NXNL2: variants seen among roughly 807,000 people sequenced by gnomAD.
NXNL2 encodes the protein nucleoredoxin-like protein 2.
In NXNL2, 7 loss-of-function variants were observed where a neutral mutation model predicts 11.1. The ratio of observed to expected loss-of-function variants is 0.63; its 90% confidence interval spans 0.36 to 1.18. The LOEUF is 1.18. Ranked by LOEUF, NXNL2 falls within the 50% of genes most tolerant of loss-of-function variation. The pLI, the probability that NXNL2 is intolerant of heterozygous loss-of-function variation, is 0.02. For missense variants in NXNL2, 233 were observed against 217.7 expected, an observed-to-expected ratio of 1.07 and a Z score of -0.44; for synonymous variants, 109 against 101.8, an observed-to-expected ratio of 1.07 and a Z score of -0.42.
At chr9:88,546,149 G>C (rs1403194367), downstream of NXNL2, among the ~76,000 whole-genome samples, 1 of 70,012 alleles carries the variant, frequency 1.4e-5, no homozygotes, top group Non-Finnish European at 2.1e-5. Flanking sequence ...CTGAGTGTTC[G>C]TGTGTGTGTG....
chr9:88,579,671 C>T (rs1830387903), downstream of NXNL2, among the ~76,000 whole-genome samples: 1 of 152,144 alleles, frequency 6.6e-6, no homozygotes. Context: ...CTGGAGTTAG[C>T]AGCTCCTTCC....
intron 1 of NXNL2, among the ~76,000 whole-genome samples, chr9:88,583,107 A>G (rs578228818): frequency 6.6e-6 from 1 of 152,154 alleles, no homozygotes; most frequent in African/African-American, 2.4e-5. Flanking sequence ...GGACACCTTG[A>G]TGCTGCTCTC....
At chr9:88,549,789 A>G (rs1829901942), downstream of NXNL2, among the ~76,000 whole-genome samples, 1 of 152,188 alleles carries the variant, frequency 6.6e-6, no homozygotes, top group Admixed American at 6.5e-5. Context: ...GGCATGTTAC[A>G]TGCCCAGAGC....
At chr9:88,553,466 A>G (rs1445211321) in intron 1 of NXNL2, among the ~76,000 whole-genome samples, 1 of 151,588 alleles carries the variant, frequency 6.6e-6, no homozygotes, top group Non-Finnish European at 1.5e-5. Flanking sequence ...TCTGCTCCCC[A>G]CCCTCCTTCT....
intron 1 of NXNL2, among the ~76,000 whole-genome samples, chr9:88,536,136 C>T (rs968980970): frequency 2.0e-5 from 3 of 152,180 alleles, no homozygotes; most frequent in African/African-American, 7.2e-5. Context: ...CTGCGTCATC[C>T]TCCCAGTTAG....
At chr9:88,566,973 C>CATCTATCT (rs371496393) in intron 1 of NXNL2, among the ~76,000 whole-genome samples, 16,606 of 123,432 alleles carry the variant, frequency 0.13, 1,005 homozygotes, top group Non-Finnish European at 0.15. Flanking sequence ...TATTATCTAT[C>CATCTATCT]ATCTATCTAT....
chr9:88,543,960 C>T (rs533610891), intron 1 of NXNL2, among the ~76,000 whole-genome samples: 16 of 152,200 alleles, frequency 1.1e-4, no homozygotes, highest in South Asian at 2.1e-4. Context: ...ACTTGAGGCC[C>T]GGAGGTCGAG....
At chr9:88,538,287 G>A (rs933925591) in intron 1 of NXNL2, 1 of 152,188 alleles carries the variant, frequency 6.6e-6, no homozygotes, top group African/African-American at 2.4e-5. Flanking sequence ...ATTCCTCAAA[G>A]CCCAGCCTGC....
intron 1 of NXNL2, among the ~76,000 whole-genome samples, chr9:88,567,688 ATCTG>A (rs1289919930): frequency 5.3e-5 from 8 of 152,200 alleles, no homozygotes; most frequent in African/African-American, 1.9e-4. Flanking sequence ...TTAGGGAATA[ATCTG>A]TCTTTCTCCC....
At chr9:88,561,270 T>G (rs1172075337) in intron 1 of NXNL2, among the ~76,000 whole-genome samples, 1 of 152,174 alleles carries the variant, frequency 6.6e-6, no homozygotes, top group Non-Finnish European at 1.5e-5. Context: ...CTTCCTGCCC[T>G]CAAACATCAG....
At chr9:88,565,400 G>A (rs1465983590) in intron 1 of NXNL2, among the ~76,000 whole-genome samples, 7 of 152,156 alleles carry the variant, frequency 4.6e-5, no homozygotes, top group Non-Finnish European at 8.8e-5. Flanking sequence ...TGGATCATAT[G>A]AGAGTTCTAT....
rs71507764 is a variant in NXNL2 at position 88,540,935 on chromosome 9, A to ATTTTT, written c.303-3421_303-3417dup. Among the ~76,000 whole-genome samples the ATTTTT allele has an allele frequency of 9.6e-4, 87 of 91,076 alleles. 17 individuals are homozygous for ATTTTT. Among genetic ancestry groups the ATTTTT allele is most frequent in the African/African-American group, 4.0e-3 (81 of 20,194 alleles). The allele number at this position is 91,076 out of a possible 152,430, so 59.7% of individuals were successfully genotyped here. A position where few individuals can be genotyped will look rare whatever the true frequency, so the allele number is the denominator to read the frequency against. Reference sequence around the variant, plus strand: ...CTTTTTCCTTGCTCAATCTCAGTAGATTTTTTTTTTTTTTTTTTTTTTTTT... The same window carrying ATTTTT: ...CTTTTTCCTTGCTCAATCTCAGTAGATTTTTTTTTTTTTTTTTTTTTTTTTTTTTT... On this transcript the variant is annotated intron_variant, in intron 1 of 1. Coordinates refer to ENST00000375854, the MANE Select transcript of NXNL2 (RefSeq NM_001161625.2).
At chr9:88,576,612 G>C (rs1276857693), downstream of NXNL2, among the ~76,000 whole-genome samples, 1 of 152,214 alleles carries the variant, frequency 6.6e-6, no homozygotes, top group South Asian at 2.1e-4. Flanking sequence ...AATGGCCAAT[G>C]GAGGTGCGGG....
downstream of NXNL2, among the ~76,000 whole-genome samples, chr9:88,577,278 G>GGT (rs1830358584): frequency 6.6e-6 from 1 of 151,808 alleles, no homozygotes; most frequent in African/African-American, 2.4e-5. Context: ...TCATGGATGG[G>GGT]GTGTGTGTGT....
At chr9:88,572,599 C>T (rs944056783) in intron 2 of NXNL2, among the ~76,000 whole-genome samples, 12 of 152,180 alleles carry the variant, frequency 7.9e-5, no homozygotes, top group Non-Finnish European at 5.9e-5. Flanking sequence ...CTGCCGACCC[C>T]GGCAAAACAC....
intron 1 of NXNL2, among the ~76,000 whole-genome samples, chr9:88,539,492 C>T (rs1056445600): frequency 5.9e-5 from 9 of 152,170 alleles, no homozygotes; most frequent in South Asian, 2.1e-4. Flanking sequence ...TGGCCCCAGC[C>T]GGACCGTCTA....
At chr9:88,579,558 A>G (rs1285747304), downstream of NXNL2, among the ~76,000 whole-genome samples, 1 of 152,222 alleles carries the variant, frequency 6.6e-6, no homozygotes, top group African/African-American at 2.4e-5. Context: ...CTCAGAATTA[A>G]GTCTACTTCC....
chr9:88,548,702 G>A (rs938749665), downstream of NXNL2, among the ~76,000 whole-genome samples: 47 of 131,232 alleles, frequency 3.6e-4, no homozygotes, highest in Non-Finnish European at 6.0e-4. Flanking sequence ...AAAAAAAAAA[G>A]GAATTATCTT....
intron 1 of NXNL2, among the ~76,000 whole-genome samples, chr9:88,562,010 A>G (rs1379659423): frequency 1.3e-5 from 2 of 152,224 alleles, no homozygotes; most frequent in Non-Finnish European, 2.9e-5. Flanking sequence ...TAGCAGCACT[A>G]GTTGTAACAG....
Sources: gnomAD v4.1 joint callset for allele counts (sites outside exome capture counted in the v4.1 genomes callset) on GRCh38, gnomAD v4.1.1 for gene constraint, MANE v1.5 for transcripts, NCBI Gene and HGNC (gene_info 2026-07-23, HGNC 2026-07-21) for gene names.